TRAK2: variants seen among roughly 807,000 people sequenced by gnomAD.
TRAK2 encodes the protein trafficking kinesin-binding protein 2.
Under a neutral mutation model 104.6 loss-of-function variants are expected in TRAK2, and 81 were observed. That is an observed-to-expected ratio of 0.77 (90% CI 0.65 to 0.93). The LOEUF (loss-of-function observed/expected upper bound fraction) is 0.93, where lower values mean the gene tolerates loss of function less well. Among genes scored for constraint, TRAK2 ranks in the 40% least tolerant of loss-of-function variants. The pLI, the probability that TRAK2 is intolerant of heterozygous loss-of-function variation, is 0.00. For synonymous variants in TRAK2, 406 were observed against 394.4 expected, an observed-to-expected ratio of 1.03 and a Z score of -0.35; for missense variants, 1,002 against 1,089.0, an observed-to-expected ratio of 0.92 and a Z score of 1.12.
At chr2:201,410,946 C>T (rs1951640731) in intron 2 of TRAK2, 1 of 1,571,290 alleles carries the variant, frequency 6.4e-7, no homozygotes, top group African/African-American at 1.4e-5. Flanking sequence ...GCTTGGACTA[C>T]TGTAGAAGTT....
intron 1 of TRAK2, among the ~76,000 whole-genome samples, chr2:201,431,965 A>T (rs1951845855): frequency 6.6e-6 from 1 of 152,268 alleles, no homozygotes; most frequent in Non-Finnish European, 1.5e-5. Flanking sequence ...TTGGGAAATA[A>T]CATGAGTTAA....
At chr2:201,442,747 T>C (rs1046447685) in intron 1 of TRAK2, among the ~76,000 whole-genome samples, 1 of 152,244 alleles carries the variant, frequency 6.6e-6, no homozygotes, top group African/African-American at 2.4e-5. Flanking sequence ...ATGTAATCTA[T>C]AGCTAGCTTT....
intron 2 of TRAK2, chr2:201,411,930 G>A (rs1038658995): frequency 2.0e-6 from 2 of 1,011,272 alleles, no homozygotes; most frequent in African/African-American, 1.6e-5. Context: ...CAGAGCTCCT[G>A]GTATTGAATG....
chr2:201,416,114 G>A (rs1194973107), intron 2 of TRAK2, among the ~76,000 whole-genome samples: 4 of 151,626 alleles, frequency 2.6e-5, no homozygotes, highest in Non-Finnish European at 4.4e-5. Flanking sequence ...TAGGCCAGGC[G>A]TGGTAGCTCA....
intron 1 of TRAK2, among the ~76,000 whole-genome samples, chr2:201,434,347 C>G (rs2125660202): frequency 6.6e-6 from 1 of 152,244 alleles, no homozygotes; most frequent in Middle Eastern, 3.4e-3. Context: ...GCCCAGTAAT[C>G]TATCATTAGC....
At chr2:201,437,383 A>T (rs906391494) in intron 1 of TRAK2, among the ~76,000 whole-genome samples, 1 of 152,036 alleles carries the variant, frequency 6.6e-6, no homozygotes, top group East Asian at 1.9e-4. Flanking sequence ...TCAATTTCCA[A>T]CTACACTATA....
intron 2 of TRAK2, chr2:201,411,401 T>C (rs2125651088): frequency 1.3e-6 from 1 of 747,118 alleles, no homozygotes; most frequent in South Asian, 1.3e-5. Context: ...CCTTGTCAAT[T>C]TGCTGATTCC....
At chr2:201,394,187 A>G (rs1223188198) in intron 9 of TRAK2, among the ~76,000 whole-genome samples, 1 of 152,218 alleles carries the variant, frequency 6.6e-6, no homozygotes, top group Non-Finnish European at 1.5e-5. Context: ...AACTTATCTT[A>G]TTTTAAAAAC....
chr2:201,395,647 A>T (rs1382314181), intron 7 of TRAK2, among the ~76,000 whole-genome samples: 2 of 152,194 alleles, frequency 1.3e-5, no homozygotes, highest in Non-Finnish European at 2.9e-5. Context: ...GGAACAGAAT[A>T]GGAGACAATG....
At chr2:201,446,318 G>A (rs1951964092) in intron 1 of TRAK2, among the ~76,000 whole-genome samples, 1 of 152,074 alleles carries the variant, frequency 6.6e-6, no homozygotes, top group Non-Finnish European at 1.5e-5. Context: ...TAATTTTAAT[G>A]TCCTCTCCCC....
At chr2:201,415,660 A>T (rs1292994235) in intron 2 of TRAK2, among the ~76,000 whole-genome samples, 1 of 152,204 alleles carries the variant, frequency 6.6e-6, no homozygotes, top group Admixed American at 6.5e-5. Context: ...AGGCATAGCA[A>T]TAGAAATTAT....
At chr2:201,445,007 A>C (rs1007734480) in intron 1 of TRAK2, among the ~76,000 whole-genome samples, 1 of 152,206 alleles carries the variant, frequency 6.6e-6, no homozygotes, top group African/African-American at 2.4e-5. Flanking sequence ...GCTTTCTAAA[A>C]AGAAAGAACT....
rs1461147196 is a variant in TRAK2 at position 201,384,236 on chromosome 2, A to G, written c.1964-20T>C. On this transcript the variant is annotated intron_variant, in intron 14 of 15. Coordinates refer to ENST00000332624, the MANE Select transcript of TRAK2 (RefSeq NM_015049.3). ...TTGCAACTGAAATAGATTTTTAGGGAGCAAATACAAGATTGAAAGTCTAGA... is the reference window on the plus strand; with the variant it reads ...TTGCAACTGAAATAGATTTTTAGGGGGCAAATACAAGATTGAAAGTCTAGA... The G allele has an allele frequency of 6.4e-7, 1 of 1,554,354 alleles. No homozygotes were observed.
rs1430672899 is a variant in TRAK2 at position 201,381,096 on chromosome 2, G to A, written c.2192C>T (p.Ser731Phe). 1.9e-6 allele frequency: 3 copies of A among 1,614,076 alleles called. No homozygotes were observed. The highest frequency in any genetic ancestry group is 2.5e-6 in the Non-Finnish European group (3 of 1,179,986). Residue 731 changes from serine (S) to phenylalanine (F), a missense_variant, in exon 16 of 16, where the codon TCC (serine) becomes TTC (phenylalanine). Physicochemically the swap from Ser to Phe is radical, Grantham distance 155 (BLOSUM62 -2). Transcript: ENST00000332624. ...CATGGTGCTACTGAAGGTTGTAGTG[G>A]AATCTCGTCGGTTGGTGATGGACTC... ...IGESITNRRD[S>F]TTTFSSTMSL... is the part of the protein sequence containing the mutation.
At chr2:201,389,258 G>C in intron 12 of TRAK2, 42 bp downstream of exon 12, 1 of 1,572,034 alleles carries the variant, frequency 6.4e-7, no homozygotes, top group South Asian at 1.1e-5. Flanking sequence ...GTGCGGCAAT[G>C]TGAAAAGAAA....
intron 7 of TRAK2, among the ~76,000 whole-genome samples, chr2:201,396,587 A>C (rs950109585): frequency 3.3e-5 from 5 of 152,142 alleles, no homozygotes; most frequent in Non-Finnish European, 5.9e-5. Context: ...GCACAGTAAG[A>C]GATTAATAAC....
chr2:201,414,695 T>G (rs1951677141), intron 2 of TRAK2, among the ~76,000 whole-genome samples: 1 of 152,108 alleles, frequency 6.6e-6, no homozygotes, highest in African/African-American at 2.4e-5. Flanking sequence ...TATATCCAAA[T>G]TCTATTATTA....
chr2:201,381,222 A>T lies in TRAK2; in HGVS notation c.2070-4T>A, dbSNP rs1951341791. The T allele has an allele frequency of 3.0e-5, 1 of 33,712 alleles. No individual in the cohort carries two copies. 2.1% of individuals were successfully genotyped at this position (33,712 alleles called of 1,614,324 possible). ...GGATAATGAAGGGAACCCAGAGCTT[A>T]AAAAAAAAAAAAAAAAGTGGGAGAC... On this transcript the variant is annotated splice_polypyrimidine_tract_variant and splice_region_variant and intron_variant, in intron 15 of 15. Coordinates refer to ENST00000332624, the MANE Select transcript of TRAK2 (RefSeq NM_015049.3).
At position 201,380,847 on chromosome 2, in the gene TRAK2, TC is replaced by T; in HGVS notation, c.2440del (p.Glu814ArgfsTer5). ...CCGGGAGGGTCTCAAGCCATACATC[TC>T]CTGGAGGAATGTCTCAGCTGGTCGA... ...ASRPAETFLQ[E>X]MYGLRPSRNP... On this transcript the variant is annotated frameshift_variant, in exon 16 of 16. Transcript: ENST00000332624. LOFTEE classifies it high-confidence loss of function. 1 of 1,613,986 alleles carries T rather than the reference TC, an allele frequency of 6.2e-7. No individual in the cohort carries two copies. The highest frequency in any genetic ancestry group is 1.1e-5 in the South Asian group (1 of 91,072).
Sources: gnomAD v4.1 joint callset for allele counts (sites outside exome capture counted in the v4.1 genomes callset) on GRCh38, gnomAD v4.1.1 for gene constraint, MANE v1.5 for transcripts, NCBI Gene and HGNC (gene_info 2026-07-23, HGNC 2026-07-21) for gene names.